TTC9C: variants seen among roughly 807,000 people sequenced by gnomAD.
The protein encoded by TTC9C is tetratricopeptide repeat protein 9C.
Under a neutral mutation model 22.5 loss-of-function variants are expected in TTC9C, and 15 were observed. The ratio of observed to expected loss-of-function variants is 0.67; its 90% CI spans 0.45 to 1.03. The LOEUF (loss-of-function observed/expected upper bound fraction) is 1.03. Among genes scored for constraint, TTC9C ranks in the 50% least tolerant of loss-of-function variants. TTC9C has a pLI of 0.00. For synonymous variants in TTC9C, 92 were observed against 86.8 expected (o/e 1.06, Z -0.33); for missense variants, 244 against 214.6 (o/e 1.14, Z -0.86).
At position 62,738,511 on chromosome 11, in the gene TTC9C, C is replaced by T; in HGVS notation, c.*129C>T. 1.6e-6 allele frequency: 1 copy of T among 608,680 alleles called. No individual in the cohort carries two copies. The highest frequency in any genetic ancestry group is 2.1e-5 in the South Asian group (1 of 48,046). The allele number at this position is 608,680 out of a possible 1,614,324, so 37.7% of individuals were successfully genotyped here. ...CCCAGGTGGATTTTTGTTTCTAGTT[C>T]TGCACAAACTTCACTACTTAGACAG... is the stretch of plus-strand genomic sequence containing the variant. On this transcript the variant is annotated 3_prime_UTR_variant, in exon 3 of 3. Coordinates refer to ENST00000316461, the MANE Select transcript of TTC9C (RefSeq NM_173810.4).
chr11:62,729,485 C>T (rs1018182657), intron 1 of TTC9C, among the ~76,000 whole-genome samples: 1 of 151,652 alleles, frequency 6.6e-6, no homozygotes, highest in Non-Finnish European at 1.5e-5. Flanking sequence ...TGCAGCCTCC[C>T]CGTCCCGGGT....
In TTC9C at chr11:62,728,668, G is replaced by T. The variant is rs1438483677; in HGVS notation, c.-181G>T. On this transcript the variant is annotated 5_prime_UTR_variant, in exon 1 of 3. Coordinates refer to ENST00000316461, the MANE Select transcript of TTC9C (RefSeq NM_173810.4). ...TTCTTGAGAAAAAGACTGCAGAAAG[G>T]AGAGGTGGGGCTTTCAGTAGAAACA... is the stretch of plus-strand genomic sequence containing the variant. The T allele has an allele frequency of 1.4e-6, 1 of 704,564 alleles. No individual in the cohort carries two copies. The highest frequency in any genetic ancestry group is 1.5e-5 in the South Asian group (1 of 66,828). The allele number at this position is 704,564 out of a possible 1,614,324, so 43.6% of individuals were successfully genotyped here.
chr11:62,735,039 G>A (rs2083894617), intron 1 of TTC9C, among the ~76,000 whole-genome samples: 1 of 152,144 alleles, frequency 6.6e-6, no homozygotes, highest in Admixed American at 6.6e-5. Context: ...TGGGATTACA[G>A]GCATGCGCCA....
chr11:62,736,603 A>G (rs1011248108), intron 2 of TTC9C, among the ~76,000 whole-genome samples: 1 of 151,466 alleles, frequency 6.6e-6, no homozygotes, highest in African/African-American at 2.4e-5. Flanking sequence ...CTGAGGTAGG[A>G]GAATGGCATG....
At chr11:62,733,221 T>C in intron 1 of TTC9C, 1 of 1,238,292 alleles carries the variant, frequency 8.1e-7, no homozygotes. Context: ...AAGGTCCCAT[T>C]AAGTCATCCA....
Position 62,734,384 on chromosome 11 carries a change from G to C in TTC9C, c.239-998G>C, listed in dbSNP as rs925415601. Reference sequence around the variant, plus strand: ...GGAGGCCAAGGTGGACAGATCACTTGAGGTCAGGAGTTTGAGAACAGCCTG... The same window carrying C: ...GGAGGCCAAGGTGGACAGATCACTTCAGGTCAGGAGTTTGAGAACAGCCTG... On this transcript the variant is annotated intron_variant, in intron 1 of 2. Transcript: ENST00000316461. Among the ~76,000 whole-genome samples, 20 of 151,886 alleles carry C rather than the reference G, an allele frequency of 1.3e-4. 5 individuals carry two copies. The highest frequency in any genetic ancestry group is 1.2e-3 in the Admixed American group (19 of 15,234).
intron 1 of TTC9C, among the ~76,000 whole-genome samples, chr11:62,729,537 T>A (rs2134800415): frequency 6.6e-6 from 1 of 151,438 alleles, no homozygotes; most frequent in Admixed American, 6.6e-5. Flanking sequence ...TAGCCGGGAT[T>A]ACAGGCGCCC....
chr11:62,738,322 G>C lies in TTC9C; in HGVS notation c.456G>C (p.Gln152His). The change falls in exon 3 of 3, where the codon CAG (glutamine) becomes CAC (histidine). Residue 152 changes from glutamine (Q) to histidine (H), a missense_variant. Transcript: ENST00000316461. ...TCCGGCGGTACCTCCAGCTGACACA[G>C]TCAGAACTCAGCAGCTACCATAGAA... ...ANVRRYLQLT[Q>H]SELSSYHRKE... The C allele has an allele frequency of 6.2e-7, 1 of 1,613,098 alleles. No homozygotes were observed. The highest frequency in any genetic ancestry group is 8.5e-7 in the Non-Finnish European group (1 of 1,179,512).
Position 62,738,423 on chromosome 11 carries a change from C to A in TTC9C, c.*41C>A. On this transcript the variant is annotated 3_prime_UTR_variant, in exon 3 of 3. Coordinates refer to ENST00000316461, the MANE Select transcript of TTC9C (RefSeq NM_173810.4). Reference sequence around the variant, plus strand: ...CTCCTCCAGTTGAACTTAGGTGGACCATTAAACATGCATGAAGGAGAAATC... The same window carrying A: ...CTCCTCCAGTTGAACTTAGGTGGACAATTAAACATGCATGAAGGAGAAATC... 1 of 1,336,478 alleles carries A rather than the reference C, an allele frequency of 7.5e-7. No homozygotes were observed. The highest frequency in any genetic ancestry group is 1.1e-6 in the Non-Finnish European group (1 of 938,554). 82.8% of individuals were successfully genotyped at this position (1,336,478 alleles called of 1,614,324 possible). A position where few individuals can be genotyped will look rare whatever the true frequency, so the allele number is the denominator to read the frequency against.
intron 2 of TTC9C, among the ~76,000 whole-genome samples, chr11:62,737,705 T>A (rs1190895368): frequency 6.6e-6 from 1 of 152,230 alleles, no homozygotes; most frequent in Non-Finnish European, 1.5e-5. Context: ...ATTTTAATGA[T>A]AACTGCTTCA....
At position 62,730,529 on chromosome 11, in the gene TTC9C, CTTAGAAGAAAA is replaced by C. The variant is rs1265033751; in HGVS notation, c.238+1445_238+1455del. 5.9e-5 allele frequency among the ~76,000 whole-genome samples: 9 copies of C among 152,332 alleles called. No homozygotes were observed. The East Asian group carries it at 1.7e-3, about 29-fold the overall frequency. On this transcript the variant is annotated intron_variant, in intron 1 of 2. Coordinates refer to ENST00000316461, the MANE Select transcript of TTC9C (RefSeq NM_173810.4). ...AACACCCCATTGGCATCTCATCACACTTAGAAGAAAATCCAAACTCACCTCGAGGCCCCAGC... is the reference window on the plus strand; with the variant it reads ...AACACCCCATTGGCATCTCATCACACTCCAAACTCACCTCGAGGCCCCAGC...
At chr11:62,735,262 CT>C in intron 1 of TTC9C, 119 bp from the exon 2 acceptor site, 2 of 1,347,942 alleles carry the variant, frequency 1.5e-6, no homozygotes, top group African/African-American at 1.5e-5. Context: ...ATGGGAGACA[CT>C]TTAGCATTTG....
At chr11:62,729,377 ATTTT>A (rs2083817091) in intron 1 of TTC9C, among the ~76,000 whole-genome samples, 1 of 9,968 alleles carries the variant, frequency 1.0e-4, no homozygotes, top group Non-Finnish European at 8.5e-4. Flanking sequence ...TTATTTTTTT[ATTTT>A]ATTTTATTTT....
Position 62,738,024 on chromosome 11 carries a change from C to A in TTC9C, c.422-264C>A, listed in dbSNP as rs372360152. On this transcript the variant is annotated intron_variant, in intron 2 of 2. Transcript: ENST00000316461. ...CTCTAGCCTGGGTGACAGAGCGAGACCCTGTCTCAAAAGTAAGTAAATAAA... is the reference window on the plus strand; with the variant it reads ...CTCTAGCCTGGGTGACAGAGCGAGAACCTGTCTCAAAAGTAAGTAAATAAA... 3.3e-5 allele frequency among the ~76,000 whole-genome samples: 5 copies of A among 151,820 alleles called. No individual in the cohort carries two copies. In the East Asian group the frequency reaches 9.6e-4, roughly 29 times the overall value.
chr11:62,735,340 G>C (rs369556272), intron 1 of TTC9C, 42 bp from the exon 2 acceptor site: 1 of 1,602,108 alleles, frequency 6.2e-7, no homozygotes, highest in African/African-American at 1.3e-5. Flanking sequence ...CTGGTGTAAC[G>C]AGCCCCTCCT....
chr11:62,729,411 T>TA (rs2083818768), intron 1 of TTC9C, among the ~76,000 whole-genome samples: 8 of 141,978 alleles, frequency 5.6e-5, no homozygotes, highest in African/African-American at 1.5e-4. Context: ...TATTTTATTT[T>TA]TTTTTGAGAT....
upstream of TTC9C, chr11:62,728,270 G>A (rs2083787386): frequency 2.9e-6 from 1 of 339,464 alleles, no homozygotes; most frequent in Non-Finnish European, 5.8e-6. Context: ...CACGGCGCCG[G>A]GTGGGCTTGC....
intron 1 of TTC9C, chr11:62,733,122 G>A: frequency 1.6e-6 from 2 of 1,287,756 alleles, no homozygotes; most frequent in Non-Finnish European, 2.0e-6. Context: ...CCACAGTTGT[G>A]AAATAGGGAG....
chr11:62,734,093 G>A (rs1447679200), intron 1 of TTC9C, among the ~76,000 whole-genome samples: 1 of 151,998 alleles, frequency 6.6e-6, no homozygotes, highest in Non-Finnish European at 1.5e-5. Flanking sequence ...GAGGTCAGGA[G>A]TTCAAGACAA....
Sources: allele counts gnomAD v4.1 joint callset (sites outside exome capture counted in the v4.1 genomes callset), GRCh38; gene constraint gnomAD v4.1.1; transcripts MANE v1.5; gene names NCBI Gene and HGNC (gene_info 2026-07-23, HGNC 2026-07-21).